The following DOCK1 variants were observed in gnomAD, a reference collection of about 807,000 sequenced individuals.
DOCK1 encodes the protein dedicator of cytokinesis 1, also known as dedicator of cytokinesis protein 1.
DOCK1 carries 138 observed loss-of-function variants against 262.7 expected under a neutral mutation model. The observed-to-expected ratio is 0.53, with a 90% CI of 0.46 to 0.61. The LOEUF (loss-of-function observed/expected upper bound fraction) is 0.61. Among genes scored for constraint, DOCK1 ranks in the 20% least tolerant of loss-of-function variants. DOCK1 has a pLI of 0.00. For synonymous variants in DOCK1, 866 were observed against 867.4 expected, an observed-to-expected ratio of 1.00 and a Z score of 0.03; for missense variants, 1,908 against 2,370.7, an observed-to-expected ratio of 0.80 and a Z score of 4.05.
chr10:127,075,727 A>G (rs984574123), intron 23 of DOCK1, among the ~76,000 whole-genome samples: 40 of 152,080 alleles, frequency 2.6e-4, no homozygotes, highest in Non-Finnish European at 5.9e-5. Context: ...CTGTCATGAG[A>G]ACGGCAAGGG....
chr10:127,234,482 C>T (rs2058972622), intron 27 of DOCK1, among the ~76,000 whole-genome samples: 1 of 151,944 alleles, frequency 6.6e-6, no homozygotes, highest in African/African-American at 2.4e-5. Context: ...TGATGAAAAC[C>T]ACAAAACATT....
intron 25 of DOCK1, among the ~76,000 whole-genome samples, chr10:127,115,885 T>C (rs755493014): frequency 9.8e-5 from 15 of 152,346 alleles, no homozygotes; most frequent in Admixed American, 2.6e-4. Flanking sequence ...CTTTGCAAGG[T>C]ATAATTTTTC....
chr10:127,411,015 C>A, intron 43 of DOCK1, 91 bp downstream of exon 43: 1 of 1,252,442 alleles, frequency 8.0e-7, no homozygotes, highest in Non-Finnish European at 1.1e-6. Context: ...GCCTCAGAGG[C>A]AGCCACGGAG....
At chr10:127,433,079 T>C (rs2069411659) in intron 47 of DOCK1, among the ~76,000 whole-genome samples, 1 of 152,210 alleles carries the variant, frequency 6.6e-6, no homozygotes, top group Admixed American at 6.5e-5. Context: ...TCTGATACTT[T>C]CACAGTATTG....
intron 43 of DOCK1, among the ~76,000 whole-genome samples, chr10:127,414,298 C>A (rs2068032769): frequency 6.6e-6 from 1 of 152,152 alleles, no homozygotes; most frequent in Non-Finnish European, 1.5e-5. Flanking sequence ...AGTGACCCTG[C>A]AGTGCAGGGA....
At chr10:127,185,581 G>T (rs1038004346) in intron 27 of DOCK1, among the ~76,000 whole-genome samples, 4 of 152,206 alleles carry the variant, frequency 2.6e-5, no homozygotes, top group African/African-American at 9.7e-5. Context: ...TAGGATGAGT[G>T]TACAATATTA....
intron 28 of DOCK1, among the ~76,000 whole-genome samples, chr10:127,250,124 G>A (rs529755733): frequency 2.6e-5 from 4 of 152,276 alleles, no homozygotes; most frequent in African/African-American, 7.2e-5. Flanking sequence ...TGCAGATAAC[G>A]TTCCAGGTTG....
chr10:127,367,325 G>A (rs1045832972), intron 33 of DOCK1, among the ~76,000 whole-genome samples: 14 of 152,024 alleles, frequency 9.2e-5, no homozygotes, highest in South Asian at 8.3e-4. Flanking sequence ...ATGTTCCTTC[G>A]GAATAGGCTC....
chr10:127,176,235 T>C lies in DOCK1; in HGVS notation c.2847+48471T>C. On this transcript the variant is annotated intron_variant, in intron 27 of 51. Coordinates refer to ENST00000623213, the MANE Select transcript of DOCK1 (RefSeq NM_001290223.2). This position sits in a 1 kb window ranked among gnomAD's most constrained non-coding sequence, Gnocchi z 4.4. Reference sequence around the variant, plus strand: ...TGTGTCCCTCTGCTCATTCTGTGCCTCGCAGATATCCTTAAACCGCACCTG... The same window carrying C: ...TGTGTCCCTCTGCTCATTCTGTGCCCCGCAGATATCCTTAAACCGCACCTG... The C allele has an allele frequency of 6.2e-7, 1 of 1,614,164 alleles. No homozygotes were observed. Among genetic ancestry groups the C allele is most frequent in the African/African-American group, 1.3e-5 (1 of 75,040 alleles).
At chr10:127,271,317 G>A (rs1419778870) in intron 29 of DOCK1, among the ~76,000 whole-genome samples, 1 of 152,110 alleles carries the variant, frequency 6.6e-6, no homozygotes, top group African/African-American at 2.4e-5. Context: ...AACCAAACAT[G>A]CAATTCCACC....
chr10:127,253,874 C>A (rs74868268), intron 28 of DOCK1, among the ~76,000 whole-genome samples: 205 of 101,438 alleles, frequency 2.0e-3, no homozygotes, highest in Admixed American at 2.5e-3. Context: ...GACCCTGTCT[C>A]AAAAAAAAAA....
chr10:127,162,983 CTG>C (rs1191820479), intron 27 of DOCK1, among the ~76,000 whole-genome samples: 1 of 152,208 alleles, frequency 6.6e-6, no homozygotes, highest in Non-Finnish European at 1.5e-5. Context: ...TTCCATGGGA[CTG>C]TTCTAACCCG....
intron 19 of DOCK1, 32 bp downstream of exon 19, chr10:127,037,848 CTTTTT>C: frequency 6.1e-4 from 643 of 1,045,654 alleles, no homozygotes; most frequent in Non-Finnish European, 6.8e-4. Context: ...CTTTTTGGGT[CTTTTT>C]TTTTTTTTTT....
chr10:127,332,758 C>T (rs2063040094), intron 29 of DOCK1, among the ~76,000 whole-genome samples: 1 of 152,156 alleles, frequency 6.6e-6, no homozygotes, highest in Admixed American at 6.5e-5. Flanking sequence ...GTTTCCCAGT[C>T]AAGGTCCCAA....
intron 46 of DOCK1, among the ~76,000 whole-genome samples, chr10:127,421,492 A>G (rs1025914444): frequency 6.6e-6 from 1 of 152,306 alleles, no homozygotes; most frequent in Middle Eastern, 3.4e-3. Flanking sequence ...TTCCCATCTT[A>G]AACATTTTTA....
intron 1 of DOCK1, among the ~76,000 whole-genome samples, chr10:126,961,809 A>T (rs1012845916): frequency 1.3e-4 from 20 of 152,088 alleles, no homozygotes; most frequent in Non-Finnish European, 2.5e-4. Context: ...GTGAACATGG[A>T]TGTGCAAATA....
chr10:127,230,388 C>T (rs2058797760), intron 27 of DOCK1, among the ~76,000 whole-genome samples: 1 of 152,076 alleles, frequency 6.6e-6, no homozygotes, highest in African/African-American at 2.4e-5. Context: ...TTTCTTCTAG[C>T]AGTTTTACAG....
At position 127,451,592 on chromosome 10, in the gene DOCK1, G is replaced by A. The variant is rs2070976120; in HGVS notation, c.*165G>A. 3 of 1,457,194 alleles carry A rather than the reference G, an allele frequency of 2.1e-6. No individual in the cohort carries two copies. Among genetic ancestry groups the A allele is most frequent in the Non-Finnish European group, 2.7e-6 (3 of 1,100,708 alleles). The allele number at this position is 1,457,194 out of a possible 1,614,324, so 90.3% of individuals were successfully genotyped here. ...TTCAGTTCTCACCATGGAGTGAGTG[G>A]CCTTTAGCGTCATGGAGCAAGGTGG... On this transcript the variant is annotated 3_prime_UTR_variant, in exon 52 of 52. Transcript: ENST00000623213.
chr10:127,281,610 C>A (rs1196388144), intron 29 of DOCK1, among the ~76,000 whole-genome samples: 1 of 152,152 alleles, frequency 6.6e-6, no homozygotes, highest in African/African-American at 2.4e-5. Flanking sequence ...AGATGAGGTT[C>A]CTCCTTGCCT....
Sources: gnomAD v4.1 joint callset for allele counts (sites outside exome capture counted in the v4.1 genomes callset) on GRCh38, gnomAD v4.1.1 for gene constraint, Gnocchi (gnomAD v3.1) non-coding constraint, MANE v1.5 for transcripts, NCBI Gene and HGNC (gene_info 2026-07-23, HGNC 2026-07-21) for gene names.